The following SLC24A2 variants were observed in gnomAD, a reference collection of about 807,000 sequenced individuals.
SLC24A2 encodes the protein sodium/potassium/calcium exchanger 2.
SLC24A2 carries 36 observed loss-of-function variants against 62.0 expected under a neutral mutation model. The ratio of observed to expected loss-of-function variants is 0.58; its 90% CI spans 0.44 to 0.77. SLC24A2 has a LOEUF of 0.77. SLC24A2 is among the 30% of genes least tolerant of loss of function. SLC24A2 has a pLI of 0.00. For synonymous variants in SLC24A2, 358 were observed against 294.0 expected, an observed-to-expected ratio of 1.22 and a Z score of -2.23; for missense variants, 846 against 817.9, an observed-to-expected ratio of 1.03 and a Z score of -0.42.
the SLC24A2 span, among the ~76,000 whole-genome samples, chr9:20,022,251 C>A: frequency 2.0e-5 from 3 of 152,090 alleles, no homozygotes; most frequent in African/African-American, 7.2e-5. Context: ...CCACCATATA[C>A]CACAAACAGG....
the SLC24A2 span, among the ~76,000 whole-genome samples, chr9:19,861,724 T>C: frequency 6.6e-6 from 1 of 152,010 alleles, no homozygotes; most frequent in Non-Finnish European, 1.5e-5. Flanking sequence ...TCAGATACAC[T>C]TAACAAAGAA....
In SLC24A2 at chr9:19,523,893, A is replaced by T. The variant is rs182858416; in HGVS notation, c.1570-2833T>A. On this transcript the variant is annotated intron_variant, in intron 9 of 10. Transcript: ENST00000341998. Reference sequence around the variant, plus strand: ...TCACATCATGGAAAACTTCATGAGAATTTTCATTAGACATCAAACCCCTGG... The same window carrying T: ...TCACATCATGGAAAACTTCATGAGATTTTTCATTAGACATCAAACCCCTGG... Among the ~76,000 whole-genome samples the T allele has an allele frequency of 2.1e-3, 313 of 152,282 alleles. 1 individual carries two copies. Among genetic ancestry groups the T allele is most frequent in the African/African-American group, 7.2e-3 (301 of 41,562 alleles).
the SLC24A2 span, among the ~76,000 whole-genome samples, chr9:19,963,315 C>T: frequency 1.3e-5 from 2 of 151,162 alleles, no homozygotes; most frequent in Admixed American, 6.6e-5. Flanking sequence ...TGGGTAAGGA[C>T]GTCGTGTCTA....
At chr9:20,223,428 C>T in the SLC24A2 span, among the ~76,000 whole-genome samples, 1 of 152,100 alleles carries the variant, frequency 6.6e-6, no homozygotes, top group Non-Finnish European at 1.5e-5. Flanking sequence ...AGTTCAAGAC[C>T]ATCCTGGTCA....
At chr9:19,519,179 C>CTA (rs1235712885) in intron 10 of SLC24A2, among the ~76,000 whole-genome samples, 1 of 152,152 alleles carries the variant, frequency 6.6e-6, no homozygotes, top group African/African-American at 2.4e-5. Context: ...AGATGCCTCT[C>CTA]TATGCCAGGC....
chr9:19,994,140 C>A, the SLC24A2 span, among the ~76,000 whole-genome samples: 1 of 152,126 alleles, frequency 6.6e-6, no homozygotes, highest in African/African-American at 2.4e-5. Flanking sequence ...GGCTGCTGCA[C>A]CTGCTTCTAG....
chr9:19,841,329 A>G, the SLC24A2 span, among the ~76,000 whole-genome samples: 1 of 152,142 alleles, frequency 6.6e-6, no homozygotes, highest in East Asian at 1.9e-4. Context: ...GCCATCACTA[A>G]GGGGATGGCA....
chr9:19,696,937 C>G (rs1051398258), intron 2 of SLC24A2, among the ~76,000 whole-genome samples: 6 of 151,834 alleles, frequency 4.0e-5, no homozygotes, highest in African/African-American at 1.5e-4. Context: ...TGTCATGTAC[C>G]TGGTTTGAAA....
chr9:20,035,002 A>G, the SLC24A2 span, among the ~76,000 whole-genome samples: 1 of 152,190 alleles, frequency 6.6e-6, no homozygotes. Flanking sequence ...AAATATAGTT[A>G]AAATGTGCTG....
At chr9:19,881,849 T>G in the SLC24A2 span, among the ~76,000 whole-genome samples, 1 of 152,324 alleles carries the variant, frequency 6.6e-6, no homozygotes, top group South Asian at 2.1e-4. Flanking sequence ...TGGTTGGCAA[T>G]TTTGGTTTCA....
chr9:20,107,037 G>C, the SLC24A2 span, among the ~76,000 whole-genome samples: 9 of 152,082 alleles, frequency 5.9e-5, no homozygotes, highest in East Asian at 3.8e-4. Flanking sequence ...AAATCACAAG[G>C]ATTCTTATAC....
At chr9:20,047,340 A>G in the SLC24A2 span, among the ~76,000 whole-genome samples, 1 of 152,028 alleles carries the variant, frequency 6.6e-6, no homozygotes, top group Admixed American at 6.5e-5. Flanking sequence ...GGTCTACTGC[A>G]TAACATTCAA....
At chr9:19,520,821 T>G in intron 10 of SLC24A2, 73 bp downstream of exon 10, 1 of 1,447,900 alleles carries the variant, frequency 6.9e-7, no homozygotes, top group Non-Finnish European at 9.7e-7. Flanking sequence ...CCTGGTCATG[T>G]CTTTCCAGCT....
At chr9:19,757,612 A>T (rs1294450372) in intron 2 of SLC24A2, among the ~76,000 whole-genome samples, 1 of 152,222 alleles carries the variant, frequency 6.6e-6, no homozygotes, top group African/African-American at 2.4e-5. Flanking sequence ...TACCCCAATA[A>T]GCCAGTGGAA....
At chr9:19,760,531 C>T (rs556240861) in intron 2 of SLC24A2, among the ~76,000 whole-genome samples, 31 of 151,946 alleles carry the variant, frequency 2.0e-4, no homozygotes, top group Admixed American at 1.4e-3. Context: ...CCTGACCCCC[C>T]CAACAGGCTC....
intron 7 of SLC24A2, among the ~76,000 whole-genome samples, chr9:19,560,926 G>A (rs868750801): frequency 7.0e-6 from 1 of 142,210 alleles, no homozygotes; most frequent in Non-Finnish European, 1.5e-5. Context: ...TAGAGAGAGA[G>A]AGAGAGAGAG....
the SLC24A2 span, among the ~76,000 whole-genome samples, chr9:19,952,550 C>T: frequency 6.6e-6 from 1 of 151,896 alleles, no homozygotes; most frequent in Non-Finnish European, 1.5e-5. Flanking sequence ...ATAACTTTGC[C>T]TAATGGCTTT....
chr9:19,685,045 T>A (rs1288400212), intron 2 of SLC24A2, among the ~76,000 whole-genome samples: 2 of 152,000 alleles, frequency 1.3e-5, no homozygotes, highest in Non-Finnish European at 2.9e-5. Context: ...CATTTCTGTA[T>A]AAGTACTGCA....
the SLC24A2 span, among the ~76,000 whole-genome samples, chr9:20,024,921 A>G: frequency 7.7e-4 from 118 of 152,276 alleles, 2 homozygotes; most frequent in African/African-American, 2.7e-3. Flanking sequence ...AAACCATTGT[A>G]ATTCAGCCAT....
Sources: gnomAD v4.1 joint callset for allele counts (sites outside exome capture counted in the v4.1 genomes callset) on GRCh38, gnomAD v4.1.1 for gene constraint, MANE v1.5 for transcripts, NCBI Gene and HGNC (gene_info 2026-07-23, HGNC 2026-07-21) for gene names.